The following GSE1 variants were observed in gnomAD, a reference collection of about 807,000 sequenced individuals.
The protein encoded by GSE1 is genetic suppressor element 1.
Under a neutral mutation model 112.6 loss-of-function variants are expected in GSE1, and 32 were observed. That is an observed-to-expected ratio of 0.28 (90% CI 0.21 to 0.38). GSE1 has a LOEUF of 0.38. Ranked by LOEUF, GSE1 falls within the 10% of genes least tolerant of loss-of-function variation. GSE1 has a pLI of 1.00. For synonymous variants in GSE1, 1,115 were observed against 735.6 expected (o/e 1.52, Z -8.35); for missense variants, 2,348 against 1,699.2 (o/e 1.38, Z -6.71).
Position 85,312,209 on chromosome 16 carries a change from G to GGT in GSE1, c.2284-45253_2284-45252insTG, listed in dbSNP as rs1555559890. On this transcript the variant is annotated intron_variant, in intron 1 of 2. Coordinates refer to the GSE1 transcript ENST00000637419. ...TGGTCTCTCTGATCCTCTTGCGGGGGGGGGGGGGACACACTTACCCCCAAA... is the reference window on the plus strand; with the variant it reads ...TGGTCTCTCTGATCCTCTTGCGGGGGGTGGGGGGGGACACACTTACCCCCAAA... Among the ~76,000 whole-genome samples, 6 of 150,464 alleles carry GGT rather than the reference G, an allele frequency of 4.0e-5. 1 individual carries two copies. The highest frequency in any genetic ancestry group is 1.0e-4 in the African/African-American group (4 of 39,976).
chr16:85,487,269 T>C (rs2050871870), intron 2 of GSE1, among the ~76,000 whole-genome samples: 1 of 152,178 alleles, frequency 6.6e-6, no homozygotes, highest in Non-Finnish European at 1.5e-5. Flanking sequence ...GAGTCTGCCT[T>C]GCACTCACAG....
chr16:85,551,776 C>T (rs150533108), upstream of GSE1, among the ~76,000 whole-genome samples: 32 of 152,332 alleles, frequency 2.1e-4, no homozygotes, highest in East Asian at 4.3e-3. Flanking sequence ...CTCTCCTTCC[C>T]GAGGATGTGG....
intron 1 of GSE1, among the ~76,000 whole-genome samples, chr16:85,565,556 A>G (rs1177609277): frequency 1.3e-5 from 2 of 152,204 alleles, no homozygotes; most frequent in Non-Finnish European, 2.9e-5. Flanking sequence ...CCCATGGCGA[A>G]GGGTCCCTCG....
upstream of GSE1, chr16:85,555,006 G>A: frequency 1.4e-5 from 14 of 985,342 alleles, no homozygotes; most frequent in Non-Finnish European, 1.7e-5. Context: ...TCTGCCGCCC[G>A]GCTCGGCGGC....
At chr16:85,335,146 A>G (rs1307071442) in intron 1 of GSE1, among the ~76,000 whole-genome samples, 1 of 152,130 alleles carries the variant, frequency 6.6e-6, no homozygotes, top group Non-Finnish European at 1.5e-5. Context: ...GCTCATGTTG[A>G]TTTATTCACA....
chr16:85,180,017 C>A lies in GSE1; in HGVS notation c.2283+8210C>A, dbSNP rs1024129658. ...CATCTCGTCTTTCTACATGTGTTGG[C>A]GGGGGGCTGTGGGGCAGGGAAGACC... On this transcript the variant is annotated intron_variant, in intron 1 of 2. Coordinates refer to the GSE1 transcript ENST00000637419. 3.9e-5 allele frequency among the ~76,000 whole-genome samples: 6 copies of A among 152,254 alleles called. No individual in the cohort carries two copies. The South Asian group carries it at 1.0e-3, about 26-fold the overall frequency.
At chr16:85,388,723 G>C (rs759912056) in intron 2 of GSE1, among the ~76,000 whole-genome samples, 1 of 152,080 alleles carries the variant, frequency 6.6e-6, no homozygotes, top group Non-Finnish European at 1.5e-5. Flanking sequence ...TGAGTGGATA[G>C]ATGGGTGGAT....
At chr16:85,390,401 C>T (rs940428706) in intron 2 of GSE1, among the ~76,000 whole-genome samples, 2 of 152,040 alleles carry the variant, frequency 1.3e-5, no homozygotes, top group African/African-American at 4.8e-5. Context: ...GGCACCCGTG[C>T]CCCCCAGGGC....
chr16:85,353,846 G>A (rs890397307), intron 1 of GSE1, among the ~76,000 whole-genome samples: 25 of 152,148 alleles, frequency 1.6e-4, no homozygotes, highest in Non-Finnish European at 3.1e-4. Flanking sequence ...TGGCCCCTGC[G>A]GGGATGTGTG....
chr16:85,437,775 G>A (rs778211852), intron 2 of GSE1, among the ~76,000 whole-genome samples: 1 of 152,288 alleles, frequency 6.6e-6, no homozygotes, highest in Non-Finnish European at 1.5e-5. Flanking sequence ...CCAGGAGGCC[G>A]AACACCACCG....
intron 1 of GSE1, among the ~76,000 whole-genome samples, chr16:85,281,007 C>G (rs570194337): frequency 6.6e-6 from 1 of 152,176 alleles, no homozygotes; most frequent in African/African-American, 2.4e-5. Flanking sequence ...CTGCCTCTGC[C>G]GCCCCATGTC....
intron 1 of GSE1, among the ~76,000 whole-genome samples, 159 bp from the exon 2 acceptor site, chr16:85,633,755 C>A (rs761116869): frequency 6.6e-6 from 1 of 152,186 alleles, no homozygotes; most frequent in South Asian, 2.1e-4. Context: ...GTTCTCTCTG[C>A]AGCGCTGGCT....
At chr16:85,315,239 G>A (rs2045962452) in intron 1 of GSE1, among the ~76,000 whole-genome samples, 1 of 152,186 alleles carries the variant, frequency 6.6e-6, no homozygotes, top group African/African-American at 2.4e-5. Context: ...CTCAGCGGGA[G>A]GCCACACAGC....
intron 2 of GSE1, among the ~76,000 whole-genome samples, chr16:85,445,410 A>G (rs143602891): frequency 6.6e-5 from 10 of 152,324 alleles, no homozygotes; most frequent in Non-Finnish European, 1.0e-4. Flanking sequence ...ACCAGCCCTC[A>G]GAGTGCTCGC....
intron 1 of GSE1, among the ~76,000 whole-genome samples, chr16:85,336,532 A>C (rs1418967946): frequency 6.6e-6 from 1 of 151,822 alleles, no homozygotes; most frequent in Non-Finnish European, 1.5e-5. Flanking sequence ...GTGGGCTGTG[A>C]GCCACTGAAC....
chr16:85,608,163 G>C (rs1477945775), upstream of GSE1, among the ~76,000 whole-genome samples: 1 of 152,194 alleles, frequency 6.6e-6, no homozygotes, highest in Non-Finnish European at 1.5e-5. Flanking sequence ...AGTGATAGCA[G>C]GGCAGGAAAC....
chr16:85,642,417 C>G (rs1333802178), intron 2 of GSE1, among the ~76,000 whole-genome samples: 1 of 152,198 alleles, frequency 6.6e-6, no homozygotes, highest in African/African-American at 2.4e-5. Context: ...CCCCTGGGTT[C>G]CCACCCTGGC....
At chr16:85,218,946 A>G (rs2075347051) in intron 1 of GSE1, among the ~76,000 whole-genome samples, 1 of 151,994 alleles carries the variant, frequency 6.6e-6, no homozygotes, top group Non-Finnish European at 1.5e-5. Flanking sequence ...GTGGTGTGAT[A>G]TCGGCTCACT....
chr16:85,320,468 G>T (rs868252330), intron 1 of GSE1, among the ~76,000 whole-genome samples: 1 of 151,780 alleles, frequency 6.6e-6, no homozygotes, highest in Non-Finnish European at 1.5e-5. Context: ...GTTTTGTTTT[G>T]TTTTTTTGTA....
Sources: allele counts gnomAD v4.1 joint callset (sites outside exome capture counted in the v4.1 genomes callset), GRCh38; gene constraint gnomAD v4.1.1; transcripts MANE v1.5; gene names NCBI Gene and HGNC (gene_info 2026-07-23, HGNC 2026-07-21).